The following MSL2 variants were observed in gnomAD, a reference collection of about 807,000 sequenced individuals.
MSL2 encodes E3 ubiquitin-protein ligase MSL2.
In MSL2, 2 loss-of-function variants were observed where a neutral mutation model predicts 35.8. That is an observed-to-expected ratio of 0.06 (90% CI 0.02 to 0.18). MSL2 has a LOEUF of 0.18. Among genes scored for constraint, MSL2 ranks in the 10% least tolerant of loss-of-function variants. The probability of loss-of-function intolerance (pLI) is 1.00; values close to 1 mark genes in which losing one functional copy is unlikely to be tolerated. For missense variants in MSL2, 523 were observed against 706.7 expected (o/e 0.74, Z 2.95); for synonymous variants, 296 against 255.7 (o/e 1.16, Z -1.50).
At chr3:136,177,429 C>T (rs2108082239) in intron 1 of MSL2, among the ~76,000 whole-genome samples, 1 of 152,186 alleles carries the variant, frequency 6.6e-6, no homozygotes, top group Non-Finnish European at 1.5e-5. Flanking sequence ...AATCCCAGCA[C>T]CCTGGGAGGC....
intron 1 of MSL2, 96 bp downstream of exon 1, chr3:136,194,876 A>T (rs1940792013): frequency 6.4e-7 from 1 of 1,554,672 alleles, no homozygotes; most frequent in African/African-American, 1.4e-5. Context: ...CAAAAGCTTA[A>T]TACCAACCAC....
intron 1 of MSL2, among the ~76,000 whole-genome samples, chr3:136,191,684 G>C (rs1576379328): frequency 6.6e-6 from 1 of 151,982 alleles, no homozygotes; most frequent in East Asian, 1.9e-4. Flanking sequence ...GAGGTGGAAG[G>C]ACTGCATGAA....
At position 136,195,366 on chromosome 3, in the gene MSL2, C is replaced by T. The variant is rs1357165905; in HGVS notation, c.-253G>A. On this transcript the variant is annotated 5_prime_UTR_variant, in exon 1 of 2. Transcript: ENST00000309993. ...TGAGAGAGAAACCAGCGTTCGAGTT[C>T]GTCCGGAGCGACCACAGAGCGCAGA... 1.6e-6 allele frequency: 2 copies of T among 1,235,308 alleles called. No homozygotes were observed. Among genetic ancestry groups the T allele is most frequent in the East Asian group, 4.3e-5 (1 of 23,460 alleles). 76.5% of individuals were successfully genotyped at this position (1,235,308 alleles called of 1,614,324 possible). A position where few individuals can be genotyped will look rare whatever the true frequency, so the allele number is the denominator to read the frequency against.
At chr3:136,174,928 G>A (rs528020388) in intron 1 of MSL2, among the ~76,000 whole-genome samples, 1 of 152,120 alleles carries the variant, frequency 6.6e-6, no homozygotes, top group Non-Finnish European at 1.5e-5. Context: ...CTCATGATTA[G>A]ACTAAGCTGG....
intron 1 of MSL2, among the ~76,000 whole-genome samples, chr3:136,154,709 G>A (rs1348725917): frequency 6.6e-6 from 1 of 152,168 alleles, no homozygotes; most frequent in Non-Finnish European, 1.5e-5. Context: ...TTTGGAGAAT[G>A]CAACTAAAGC....
At chr3:136,180,796 GGGAGGGAGGGAGGGAAGGAGGGAAGGAA>G (rs1940327880) in intron 1 of MSL2, among the ~76,000 whole-genome samples, 1 of 42,812 alleles carries the variant, frequency 2.3e-5, no homozygotes, top group African/African-American at 9.2e-5. Flanking sequence ...GAGGGAGGGA[GGGAGGGAGGGAGGGAAGGAGGGAAGGAA>G]GGAAGGAAGG....
chr3:136,171,632 T>C (rs531831895), intron 1 of MSL2, among the ~76,000 whole-genome samples: 1 of 152,344 alleles, frequency 6.6e-6, no homozygotes, highest in East Asian at 1.9e-4. Context: ...TGTCCAAGTC[T>C]GACAAATTTT....
At chr3:136,193,065 A>T (rs1263300341) in intron 1 of MSL2, among the ~76,000 whole-genome samples, 1 of 152,244 alleles carries the variant, frequency 6.6e-6, no homozygotes, top group Non-Finnish European at 1.5e-5. Flanking sequence ...GTGAAATAAG[A>T]AAGCCCTGTC....
chr3:136,174,469 G>A (rs1559966241), intron 1 of MSL2, among the ~76,000 whole-genome samples: 1 of 152,218 alleles, frequency 6.6e-6, no homozygotes, highest in Non-Finnish European at 1.5e-5. Context: ...TACAGAAACT[G>A]AGCAATAGGC....
At chr3:136,172,301 TTTC>T (rs1461954775) in intron 1 of MSL2, among the ~76,000 whole-genome samples, 2 of 151,962 alleles carry the variant, frequency 1.3e-5, no homozygotes, top group Non-Finnish European at 2.9e-5. Context: ...ACAGTACCCT[TTTC>T]TTCTTCCCTC....
chr3:136,170,761 C>A (rs1940002949), intron 1 of MSL2, among the ~76,000 whole-genome samples: 1 of 152,088 alleles, frequency 6.6e-6, no homozygotes, highest in Non-Finnish European at 1.5e-5. Context: ...CCTCAGCCTC[C>A]CAAAGTGCTG....
At position 136,149,056 on chromosome 3, in the gene MSL2, ACAAT is replaced by A; in HGVS notation, c.*2087_*2090del. On this transcript the variant is annotated 3_prime_UTR_variant, in exon 2 of 2. Transcript: ENST00000309993. ...AATTCATCATTGGCAATATTACATA[ACAAT>A]CAAGGCCCTCACATACTAATGATTT... is the stretch of plus-strand genomic sequence containing the variant. 6.6e-6 allele frequency: 1 copy of A among 152,548 alleles called. No individual in the cohort carries two copies. Among genetic ancestry groups the A allele is most frequent in the East Asian group, 1.9e-4 (1 of 5,182 alleles). 9.4% of individuals were successfully genotyped at this position (152,548 alleles called of 1,614,324 possible). A position where few individuals can be genotyped will look rare whatever the true frequency, so the allele number is the denominator to read the frequency against.
chr3:136,173,120 G>A (rs140456738), intron 1 of MSL2, among the ~76,000 whole-genome samples: 216 of 152,220 alleles, frequency 1.4e-3, no homozygotes, highest in African/African-American at 5.1e-3. Context: ...CTGAGATCAC[G>A]CCACTGCACT....
At chr3:136,175,841 A>G (rs1940157204) in intron 1 of MSL2, among the ~76,000 whole-genome samples, 1 of 152,120 alleles carries the variant, frequency 6.6e-6, no homozygotes, top group South Asian at 2.1e-4. Flanking sequence ...CCTCCATTAC[A>G]TATGTAAATA....
chr3:136,168,631 G>T (rs1448884592), intron 1 of MSL2, among the ~76,000 whole-genome samples: 1 of 152,062 alleles, frequency 6.6e-6, no homozygotes, highest in East Asian at 1.9e-4. Flanking sequence ...GCTAGGGGTG[G>T]AGTAGCATTA....
chr3:136,192,730 T>A (rs937865763), intron 1 of MSL2, among the ~76,000 whole-genome samples: 2 of 152,160 alleles, frequency 1.3e-5, no homozygotes, highest in Non-Finnish European at 2.9e-5. Flanking sequence ...TTGAAACAAA[T>A]TCCCTAATTA....
At chr3:136,184,110 ACGGTGAAACCCCGTC>A (rs1193854675) in intron 1 of MSL2, among the ~76,000 whole-genome samples, 2 of 151,968 alleles carry the variant, frequency 1.3e-5, no homozygotes, top group East Asian at 3.9e-4. Context: ...CCTGGCTAAC[ACGGTGAAACCCCGTC>A]TCTACTAAAA....
At chr3:136,181,553 A>G (rs1940363772) in intron 1 of MSL2, among the ~76,000 whole-genome samples, 1 of 152,116 alleles carries the variant, frequency 6.6e-6, no homozygotes, top group South Asian at 2.1e-4. Context: ...TAAGGTGAAG[A>G]AATTGTTCTA....
chr3:136,175,812 G>T (rs1419717473), intron 1 of MSL2, among the ~76,000 whole-genome samples: 1 of 152,076 alleles, frequency 6.6e-6, no homozygotes, highest in Non-Finnish European at 1.5e-5. Context: ...TATGTTCATT[G>T]AATAAAACAT....
Sources: allele counts gnomAD v4.1 joint callset (sites outside exome capture counted in the v4.1 genomes callset), GRCh38; gene constraint gnomAD v4.1.1; transcripts MANE v1.5; gene names NCBI Gene and HGNC (gene_info 2026-07-23, HGNC 2026-07-21).